NAALADL2: variants seen among roughly 807,000 people sequenced by gnomAD.
NAALADL2 encodes the protein inactive N-acetylated-alpha-linked acidic dipeptidase-like protein 2.
Under a neutral mutation model 87.2 loss-of-function variants are expected in NAALADL2, and 76 were observed. The ratio of observed to expected loss-of-function variants is 0.87; its 90% CI spans 0.72 to 1.05. The LOEUF is 1.05. Ranked by LOEUF, NAALADL2 falls within the 50% of genes least tolerant of loss-of-function variation. The probability of loss-of-function intolerance (pLI) is 0.00; values close to 1 mark genes in which losing one functional copy is unlikely to be tolerated. For missense variants in NAALADL2, 1,089 were observed against 945.8 expected, an observed-to-expected ratio of 1.15 and a Z score of -1.99; for synonymous variants, 354 against 331.0, an observed-to-expected ratio of 1.07 and a Z score of -0.75.
At chr3:174,746,309 A>G (rs75540609) in intron 3 of NAALADL2, among the ~76,000 whole-genome samples, 15 of 152,320 alleles carry the variant, frequency 9.8e-5, no homozygotes, top group Non-Finnish European at 1.8e-4. Flanking sequence ...GAGCCAAATC[A>G]TGAATGAACT....
intron 5 of NAALADL2, among the ~76,000 whole-genome samples, chr3:175,371,360 C>T (rs1208965155): frequency 6.6e-6 from 1 of 152,012 alleles, no homozygotes; most frequent in African/African-American, 2.4e-5. Context: ...CTCCGCCCCC[C>T]GGGTTCTCGC....
At chr3:175,581,407 A>C (rs1560795119) in intron 10 of NAALADL2, among the ~76,000 whole-genome samples, 1 of 152,202 alleles carries the variant, frequency 6.6e-6, no homozygotes. Context: ...GCGCCACTGC[A>C]CTCCAGCCTG....
intron 1 of NAALADL2, among the ~76,000 whole-genome samples, chr3:174,529,757 GC>G (rs1408602207): frequency 6.6e-6 from 1 of 152,188 alleles, no homozygotes; most frequent in African/African-American, 2.4e-5. Context: ...ACCCTCTGAA[GC>G]CACAACCCAG....
intron 1 of NAALADL2, among the ~76,000 whole-genome samples, chr3:174,470,690 C>T (rs564857991): frequency 6.6e-6 from 1 of 152,206 alleles, no homozygotes; most frequent in East Asian, 1.9e-4. Context: ...CATTCTTCTG[C>T]AGCCAGTTTT....
chr3:175,089,174 T>G (rs537190684), intron 1 of NAALADL2, among the ~76,000 whole-genome samples: 1 of 151,842 alleles, frequency 6.6e-6, no homozygotes, highest in African/African-American at 2.4e-5. Context: ...GGAGGGAAAA[T>G]AAAAAGATCT....
At chr3:175,032,284 TTAA>T (rs1752885449) in intron 1 of NAALADL2, among the ~76,000 whole-genome samples, 1 of 152,076 alleles carries the variant, frequency 6.6e-6, no homozygotes, top group African/African-American at 2.4e-5. Context: ...TCCAGTATTA[TTAA>T]TAAATCTGTG....
intron 1 of NAALADL2, among the ~76,000 whole-genome samples, chr3:175,080,169 G>C (rs1028039907): frequency 1.3e-5 from 2 of 152,094 alleles, no homozygotes; most frequent in Admixed American, 1.3e-4. Context: ...TTTTCACCGT[G>C]TTAGCCAGGA....
At chr3:174,879,013 G>A (rs1172936266) in intron 1 of NAALADL2, among the ~76,000 whole-genome samples, 1 of 151,652 alleles carries the variant, frequency 6.6e-6, no homozygotes, top group Non-Finnish European at 1.5e-5. Flanking sequence ...ATTTTGTGTA[G>A]CCCTACAGAA....
chr3:175,192,918 A>G (rs1195193066), intron 2 of NAALADL2, among the ~76,000 whole-genome samples: 1 of 151,944 alleles, frequency 6.6e-6, no homozygotes, highest in Non-Finnish European at 1.5e-5. Context: ...TGCACATTTT[A>G]GAGTTGAAAT....
At chr3:174,608,382 GT>G (rs1719372968) in intron 2 of NAALADL2, among the ~76,000 whole-genome samples, 3 of 150,888 alleles carry the variant, frequency 2.0e-5, no homozygotes, top group Non-Finnish European at 4.4e-5. Flanking sequence ...CCAGGAGCTG[GT>G]TTTTTGAAAG....
At chr3:175,001,941 T>C (rs1286376230) in intron 1 of NAALADL2, among the ~76,000 whole-genome samples, 3 of 152,086 alleles carry the variant, frequency 2.0e-5, no homozygotes, top group Admixed American at 2.0e-4. Flanking sequence ...AGGAAAACAA[T>C]AGACTCTTCC....
intron 9 of NAALADL2, among the ~76,000 whole-genome samples, chr3:175,516,690 T>C (rs1437598290): frequency 6.6e-6 from 1 of 152,228 alleles, no homozygotes; most frequent in African/African-American, 2.4e-5. Context: ...GAACTATGGA[T>C]GGCTCTAAAT....
intron 1 of NAALADL2, among the ~76,000 whole-genome samples, chr3:174,897,320 G>GA (rs1427424449): frequency 4.7e-5 from 7 of 150,346 alleles, no homozygotes; most frequent in Non-Finnish European, 7.4e-5. Context: ...AACTCTATAG[G>GA]AAAAAAATAA....
intron 4 of NAALADL2, among the ~76,000 whole-genome samples, chr3:175,263,092 T>G (rs1696783103): frequency 6.6e-6 from 1 of 151,932 alleles, no homozygotes; most frequent in South Asian, 2.1e-4. Context: ...TGGTCAGCAC[T>G]AGAATACAAA....
At chr3:175,636,917 A>C (rs927418229) in intron 11 of NAALADL2, among the ~76,000 whole-genome samples, 1 of 152,176 alleles carries the variant, frequency 6.6e-6, no homozygotes, top group African/African-American at 2.4e-5. Flanking sequence ...TATTCTTGTC[A>C]ATGTCAGAAA....
Position 175,745,506 on chromosome 3 carries a change from A to G in NAALADL2, c.1990+8107A>G, listed in dbSNP as rs552758834. ...TATTTGCATATAACTTGTGCACACT[A>G]TAGATCATCTCTAGATTACTTATAA... On this transcript the variant is annotated intron_variant, in intron 12 of 13. Coordinates refer to ENST00000454872, the MANE Select transcript of NAALADL2 (RefSeq NM_207015.3). Among the ~76,000 whole-genome samples the G allele has an allele frequency of 2.0e-5, 3 of 152,316 alleles. No individual in the cohort carries two copies. In the South Asian group the frequency reaches 6.2e-4, roughly 32 times the overall value.
At chr3:175,013,472 T>C (rs1296771921) in intron 1 of NAALADL2, among the ~76,000 whole-genome samples, 2 of 150,110 alleles carry the variant, frequency 1.3e-5, no homozygotes, top group Non-Finnish European at 1.5e-5. Flanking sequence ...CTAATTTTTA[T>C]AGTTTTAGTA....
chr3:175,548,041 C>T (rs142104207), intron 9 of NAALADL2, among the ~76,000 whole-genome samples: 12 of 152,134 alleles, frequency 7.9e-5, no homozygotes, highest in Admixed American at 2.0e-4. Flanking sequence ...CACAGCAATC[C>T]GATTTCTGGG....
At chr3:174,671,737 T>C (rs1726556611) in intron 2 of NAALADL2, among the ~76,000 whole-genome samples, 1 of 152,074 alleles carries the variant, frequency 6.6e-6, no homozygotes, top group Non-Finnish European at 1.5e-5. Context: ...AGCATAGATT[T>C]TGGAGTTATA....
Sources: allele counts gnomAD v4.1 joint callset (sites outside exome capture counted in the v4.1 genomes callset), GRCh38; gene constraint gnomAD v4.1.1; transcripts MANE v1.5; gene names NCBI Gene and HGNC (gene_info 2026-07-23, HGNC 2026-07-21).